The following RIIAD1 variants were observed in gnomAD, a reference collection of about 807,000 sequenced individuals.
RIIAD1 encodes the protein RIIa domain-containing protein 1.
A neutral mutation model predicts 13.3 loss-of-function variants in RIIAD1; 15 were observed. That is an observed-to-expected ratio of 1.13 (90% CI 0.76 to 1.74). The LOEUF (loss-of-function observed/expected upper bound fraction) is 1.74, where lower values mean the gene tolerates loss of function less well. Ranked by LOEUF, RIIAD1 falls within the 40% of genes most tolerant of loss-of-function variation. The pLI, the probability that RIIAD1 is intolerant of heterozygous loss-of-function variation, is 0.00. For synonymous variants in RIIAD1, 50 were observed against 43.3 expected (o/e 1.16, Z -0.61); for missense variants, 121 against 112.2 (o/e 1.08, Z -0.35).
intron 4 of RIIAD1, chr1:151,715,805 T>A (rs1673431235): frequency 1.3e-6 from 2 of 1,593,726 alleles, no homozygotes; most frequent in East Asian, 4.5e-5. Flanking sequence ...GCTCCACCCC[T>A]CCAGCCTGGC....
rs1035791872 is a variant in RIIAD1, at chr1:151,721,975, G to T, written c.85-111G>T. On this transcript the variant is annotated intron_variant, in intron 1 of 4. Coordinates refer to ENST00000479191, the MANE Select transcript of RIIAD1 (RefSeq NM_001144956.3). ...TGGCTTAAACTTTCAAGCATCCTGG[G>T]GAAAGACTTGGGTTAAATGCGCACG... 3 of 734,168 alleles carry T rather than the reference G, an allele frequency of 4.1e-6. No individual in the cohort carries two copies. The African/African-American group carries it at 5.3e-5, about 13-fold the overall frequency. The allele number at this position is 734,168 out of a possible 1,614,324, so 45.5% of individuals were successfully genotyped here. A position where few individuals can be genotyped will look rare whatever the true frequency, so the allele number is the denominator to read the frequency against.
chr1:151,728,931 A>G (rs934734677), intron 4 of RIIAD1, 38 bp downstream of exon 4: 23 of 703,778 alleles, frequency 3.3e-5, no homozygotes, highest in Non-Finnish European at 5.6e-5. Flanking sequence ...AGGCTTCTTT[A>G]CTCTTGTGAA....
At chr1:151,722,185 G>A (rs1284509888) in intron 2 of RIIAD1, 23 bp downstream of exon 2, 6 of 1,473,624 alleles carry the variant, frequency 4.1e-6, no homozygotes, top group Middle Eastern at 3.4e-4. Context: ...CCAGGCTCTG[G>A]GATTTGTGGC....
upstream of RIIAD1, among the ~76,000 whole-genome samples, chr1:151,720,213 G>A (rs190881875): frequency 1.3e-5 from 2 of 152,248 alleles, no homozygotes; most frequent in Non-Finnish European, 1.5e-5. Flanking sequence ...AAGAGCCACA[G>A]GTGGCTTGTG....
chr1:151,715,655 G>T, intron 4 of RIIAD1: 1 of 1,510,600 alleles, frequency 6.6e-7, no homozygotes, highest in Non-Finnish European at 8.8e-7. Context: ...CAGCCGTCTT[G>T]ACAACTCTTC....
At chr1:151,714,705 G>C in intron 4 of RIIAD1, 1 of 1,480,658 alleles carries the variant, frequency 6.8e-7, no homozygotes. Flanking sequence ...AGAGAAACAC[G>C]GCGGGGGGTG....
At chr1:151,727,038 C>T (rs1008498441) in intron 2 of RIIAD1, among the ~76,000 whole-genome samples, 3 of 152,184 alleles carry the variant, frequency 2.0e-5, no homozygotes, top group Non-Finnish European at 4.4e-5. Context: ...CCTGTAATCC[C>T]AGCACTTTGG....
intron 2 of RIIAD1, among the ~76,000 whole-genome samples, chr1:151,713,314 C>G (rs996254199): frequency 6.6e-6 from 1 of 152,206 alleles, no homozygotes; most frequent in African/African-American, 2.4e-5. Flanking sequence ...CCTGAGCTGC[C>G]AGGCAGCTGG....
intron 2 of RIIAD1, among the ~76,000 whole-genome samples, chr1:151,724,033 T>G (rs181359141): frequency 4.6e-5 from 7 of 152,336 alleles, no homozygotes; most frequent in African/African-American, 1.4e-4. Context: ...TAAATCAACA[T>G]TTGCATTGCT....
chr1:151,717,269 A>C (rs565818823), upstream of RIIAD1, among the ~76,000 whole-genome samples: 1 of 152,284 alleles, frequency 6.6e-6, no homozygotes, highest in African/African-American at 2.4e-5. Context: ...ATAGATGGAG[A>C]GGGAAGCAGG....
At chr1:151,727,397 A>G (rs976549181) in intron 2 of RIIAD1, among the ~76,000 whole-genome samples, 178 bp from the exon 3 acceptor site, 1 of 152,176 alleles carries the variant, frequency 6.6e-6, no homozygotes, top group Non-Finnish European at 1.5e-5. Flanking sequence ...CTTGCCTTAG[A>G]TACGGAGTTG....
At chr1:151,716,700 G>T, upstream of RIIAD1, 1 of 414,764 alleles carries the variant, frequency 2.4e-6, no homozygotes, top group Non-Finnish European at 4.9e-6. Context: ...CAGTCCCCGG[G>T]CCTGGGCTGC....
intron 2 of RIIAD1, among the ~76,000 whole-genome samples, chr1:151,725,485 T>C (rs927102107): frequency 2.6e-5 from 4 of 152,168 alleles, no homozygotes; most frequent in African/African-American, 4.8e-5. Context: ...TATTGAAATA[T>C]ACTGAAAAGT....
chr1:151,717,491 C>A (rs554233507), upstream of RIIAD1, among the ~76,000 whole-genome samples: 23 of 152,364 alleles, frequency 1.5e-4, no homozygotes, highest in African/African-American at 5.3e-4. Flanking sequence ...AGGGAGGCCG[C>A]GGAGGCGGCG....
chr1:151,724,201 C>T (rs1434699752), intron 2 of RIIAD1, among the ~76,000 whole-genome samples: 1 of 152,204 alleles, frequency 6.6e-6, no homozygotes, highest in African/African-American at 2.4e-5. Context: ...GCCCCAGATA[C>T]TTCCTTTCCT....
At chr1:151,719,793 CAGTGAAGAA>C, upstream of RIIAD1, 2 of 602,384 alleles carry the variant, frequency 3.3e-6, no homozygotes, top group Admixed American at 5.9e-5. Flanking sequence ...AGGATGTGAT[CAGTGAAGAA>C]AGGCTTGATT....
intron 2 of RIIAD1, among the ~76,000 whole-genome samples, chr1:151,724,285 C>T (rs970333137): frequency 1.3e-5 from 2 of 152,218 alleles, no homozygotes; most frequent in Non-Finnish European, 2.9e-5. Context: ...GCTACTCTAC[C>T]TGAAATTCTT....
chr1:151,724,643 A>T (rs1239800375), intron 2 of RIIAD1, among the ~76,000 whole-genome samples: 1 of 152,182 alleles, frequency 6.6e-6, no homozygotes, highest in Non-Finnish European at 1.5e-5. Flanking sequence ...ACAATTCTCC[A>T]GCCTATATTG....
chr1:151,714,302 C>T (rs1230560035), intron 3 of RIIAD1: 5 of 579,876 alleles, frequency 8.6e-6, no homozygotes, highest in Non-Finnish European at 1.5e-5. Context: ...ACCTTCCAAC[C>T]AGCGAGTCCT....
Sources: gnomAD v4.1 joint callset for allele counts (sites outside exome capture counted in the v4.1 genomes callset) on GRCh38, gnomAD v4.1.1 for gene constraint, MANE v1.5 for transcripts, NCBI Gene and HGNC (gene_info 2026-07-23, HGNC 2026-07-21) for gene names.